The following IL1RAP variants were observed in gnomAD, a reference collection of about 807,000 sequenced individuals.
IL1RAP encodes the protein interleukin 1 receptor accessory protein.
IL1RAP carries 35 observed loss-of-function variants against 60.7 expected under a neutral mutation model. The ratio of observed to expected loss-of-function variants is 0.58; its 90% CI spans 0.44 to 0.76. IL1RAP has a LOEUF of 0.76. Ranked by LOEUF, IL1RAP falls within the 30% of genes least tolerant of loss-of-function variation. The probability of loss-of-function intolerance (pLI) is 0.00; values close to 1 mark genes in which losing one functional copy is unlikely to be tolerated. For synonymous variants in IL1RAP, 268 were observed against 250.9 expected (o/e 1.07, Z -0.64); for missense variants, 572 against 693.9 (o/e 0.82, Z 1.97).
At position 190,645,926 on chromosome 3, in the gene IL1RAP, G is replaced by A. The variant is rs1230618602; in HGVS notation, c.1345+84G>A. On this transcript the variant is annotated intron_variant, in intron 11 of 11. Transcript: ENST00000447382. ...TTTTGCATTATGGGAGAGAGTCATG[G>A]CACAGCATCTTTGGATATTTAATGT... 5 of 1,162,364 alleles carry A rather than the reference G, an allele frequency of 4.3e-6. No individual in the cohort carries two copies. In the African/African-American group the frequency reaches 7.8e-5, roughly 18 times the overall value. The allele number at this position is 1,162,364 out of a possible 1,614,324, so 72.0% of individuals were successfully genotyped here.
At chr3:190,608,070 C>T (rs774392435) in intron 4 of IL1RAP, among the ~76,000 whole-genome samples, 3 of 152,200 alleles carry the variant, frequency 2.0e-5, no homozygotes, top group Non-Finnish European at 4.4e-5. Flanking sequence ...CTTACCAGCA[C>T]TGAGCATTAT....
intron 7 of IL1RAP, chr3:190,624,506 C>G (rs1167273416): frequency 1.3e-5 from 2 of 152,094 alleles, no homozygotes; most frequent in Non-Finnish European, 2.9e-5. Context: ...ACGAGTGACT[C>G]CATTTTGACT....
Position 190,572,904 on chromosome 3 carries a change from C to T in IL1RAP, c.64+8551C>T, listed in dbSNP as rs1248045981. Among the ~76,000 whole-genome samples the T allele has an allele frequency of 2.9e-4, 11 of 37,938 alleles. 4 individuals are homozygous for T. The highest frequency in any genetic ancestry group is 9.9e-4 in the Admixed American group (3 of 3,026). The allele number at this position is 37,938 out of a possible 152,430, so 24.9% of individuals were successfully genotyped here. ...TTTGAGACGGAGTCTCGCTCTGTCG[C>T]CCAGGCTGGAGTGCAGTGGCGGGAT... is the stretch of plus-strand genomic sequence containing the variant. On this transcript the variant is annotated intron_variant, in intron 3 of 11. Coordinates refer to ENST00000447382, the MANE Select transcript of IL1RAP (RefSeq NM_002182.4).
chr3:190,589,491 A>G (rs73200013), intron 3 of IL1RAP, among the ~76,000 whole-genome samples: 5 of 152,090 alleles, frequency 3.3e-5, no homozygotes, highest in Admixed American at 6.5e-5. Flanking sequence ...GGCGTTTCGC[A>G]GGTGATGCCT....
At chr3:190,585,747 G>A (rs1394870702) in intron 3 of IL1RAP, among the ~76,000 whole-genome samples, 1 of 151,940 alleles carries the variant, frequency 6.6e-6, no homozygotes, top group East Asian at 1.9e-4. Context: ...GGGAGGCTGA[G>A]GTTGCAGTGA....
rs764574014 is a variant in IL1RAP at position 190,623,375 on chromosome 3, C to G, written c.735C>G (p.Ile245Met). The G allele has an allele frequency of 3.1e-6, 5 of 1,613,536 alleles. No individual in the cohort carries two copies. In the East Asian group the frequency reaches 1.1e-4, roughly 36 times the overall value. ...CAAAAAATGCAGTGCCCCCTGTGAT[C>G]CATTCACCTAATGATCATGTGGTCT... ...GSPKNAVPPV[I>M]HSPNDHVVYE... The change falls in exon 7 of 12, where the codon ATC becomes ATG. Residue 245 changes from isoleucine to methionine, a missense_variant. Physicochemically the swap from Ile to Met is conservative, Grantham distance 10. Transcript: ENST00000447382.
chr3:190,622,990 G>A (rs1194064076), intron 6 of IL1RAP, among the ~76,000 whole-genome samples: 3 of 152,206 alleles, frequency 2.0e-5, no homozygotes, highest in South Asian at 2.1e-4. Context: ...AAATCCACTC[G>A]TTACTCCAGA....
chr3:190,579,495 C>A (rs1170055996), intron 3 of IL1RAP, among the ~76,000 whole-genome samples: 1 of 152,110 alleles, frequency 6.6e-6, no homozygotes, highest in Non-Finnish European at 1.5e-5. Flanking sequence ...GGAAGTAGAA[C>A]CAGGACTCAA....
At chr3:190,645,924 T>C (rs1733982730) in intron 11 of IL1RAP, 82 bp downstream of exon 11, 3 of 1,174,486 alleles carry the variant, frequency 2.6e-6, no homozygotes, top group Admixed American at 5.0e-5. Context: ...GAGAGAGTCA[T>C]GGCACAGCAT....
intron 1 of IL1RAP, among the ~76,000 whole-genome samples, chr3:190,542,082 C>G (rs974136725): frequency 6.6e-6 from 1 of 151,978 alleles, no homozygotes; most frequent in Non-Finnish European, 1.5e-5. Context: ...AATAAAATAC[C>G]CTCCTAGTGA....
chr3:190,572,700 GT>G lies in IL1RAP; in HGVS notation c.64+8354del, dbSNP rs541126292. On this transcript the variant is annotated intron_variant, in intron 3 of 11. Transcript: ENST00000447382. ...TTTTTGAACAGTTAATGTTTTCTAG[GT>G]TTTTTTGTTTGTTTATTTTACATTC... 7.1e-4 allele frequency among the ~76,000 whole-genome samples: 107 copies of G among 151,690 alleles called. 1 individual carries two copies. Among genetic ancestry groups the G allele is most frequent in the Middle Eastern group, 3.4e-3 (1 of 292 alleles).
At chr3:190,518,669 T>C (rs1577484157) in intron 1 of IL1RAP, 1 of 152,574 alleles carries the variant, frequency 6.6e-6, no homozygotes, top group Non-Finnish European at 1.5e-5. Context: ...ATGGCGGAAG[T>C]CAAGGAGGAG....
At chr3:190,589,292 A>G (rs1728740303) in intron 3 of IL1RAP, among the ~76,000 whole-genome samples, 1 of 152,026 alleles carries the variant, frequency 6.6e-6, no homozygotes, top group Non-Finnish European at 1.5e-5. Flanking sequence ...CCACCTCTTG[A>G]ATTCTTCCTG....
intron 3 of IL1RAP, among the ~76,000 whole-genome samples, chr3:190,572,000 T>C (rs1243949606): frequency 6.6e-6 from 1 of 152,244 alleles, no homozygotes; most frequent in Non-Finnish European, 1.5e-5. Flanking sequence ...CCCAAGTGGA[T>C]ACCAACCATT....
chr3:190,645,615 A>C, intron 10 of IL1RAP, 84 bp from the exon 11 acceptor site: 1 of 1,076,548 alleles, frequency 9.3e-7, no homozygotes, highest in Non-Finnish European at 1.4e-6. Context: ...AAAATGTCTA[A>C]TATGCAGAAG....
At chr3:190,594,206 G>A (rs1729187687) in intron 3 of IL1RAP, among the ~76,000 whole-genome samples, 1 of 152,212 alleles carries the variant, frequency 6.6e-6, no homozygotes, top group African/African-American at 2.4e-5. Context: ...CTGAAAATCT[G>A]CAGTTCTGAC....
At chr3:190,601,317 A>G (rs2108745762) in intron 3 of IL1RAP, among the ~76,000 whole-genome samples, 1 of 152,354 alleles carries the variant, frequency 6.6e-6, no homozygotes, top group East Asian at 1.9e-4. Context: ...TAAACTGAAT[A>G]AGCGAACTCT....
In IL1RAP at chr3:190,598,917, G is replaced by A. The variant is rs370394433; in HGVS notation, c.65-5211G>A. Among the ~76,000 whole-genome samples, 15 of 151,908 alleles carry A rather than the reference G, an allele frequency of 9.9e-5. No homozygotes were observed. The South Asian group carries it at 1.0e-3, about 11-fold the overall frequency. ...TATTTATGAACTATAATTCTATTAC[G>A]TCTCTTAGTTTTTGAAGTTATTAAC... On this transcript the variant is annotated intron_variant, in intron 3 of 11. Coordinates refer to ENST00000447382, the MANE Select transcript of IL1RAP (RefSeq NM_002182.4).
intron 6 of IL1RAP, among the ~76,000 whole-genome samples, chr3:190,622,869 G>T (rs1378225152): frequency 6.6e-6 from 1 of 152,148 alleles, no homozygotes; most frequent in Non-Finnish European, 1.5e-5. Context: ...AACTTCCAGG[G>T]ATGGGTGAGA....
Sources: allele counts gnomAD v4.1 joint callset (sites outside exome capture counted in the v4.1 genomes callset), GRCh38; gene constraint gnomAD v4.1.1; transcripts MANE v1.5; gene names NCBI Gene and HGNC (gene_info 2026-07-23, HGNC 2026-07-21).